NPAS2: variants seen among roughly 807,000 people sequenced by gnomAD.
The protein encoded by NPAS2 is neuronal PAS domain-containing protein 2.
Under a neutral mutation model 107.5 loss-of-function variants are expected in NPAS2, and 23 were observed. The ratio of observed to expected loss-of-function variants is 0.21; its 90% CI spans 0.15 to 0.30. The LOEUF (loss-of-function observed/expected upper bound fraction) is 0.30, where lower values mean the gene tolerates loss of function less well. Among genes scored for constraint, NPAS2 ranks in the 10% least tolerant of loss-of-function variants. The pLI is 1.00. For synonymous variants in NPAS2, 403 were observed against 417.5 expected (o/e 0.97, Z 0.42); for missense variants, 756 against 1,043.3 (o/e 0.72, Z 3.79).
At chr2:100,869,897 CTT>C (rs1366092952) in intron 1 of NPAS2, among the ~76,000 whole-genome samples, 2 of 136,200 alleles carry the variant, frequency 1.5e-5, no homozygotes, top group Non-Finnish European at 3.1e-5. Flanking sequence ...AGACTCCTGA[CTT>C]CTTTTTTTTT....
At chr2:100,961,124 A>G (rs145664910) in intron 7 of NPAS2, among the ~76,000 whole-genome samples, 17 of 152,248 alleles carry the variant, frequency 1.1e-4, no homozygotes, top group Non-Finnish European at 2.1e-4. Context: ...GTAATTAGAT[A>G]TATTCTTTCT....
intron 1 of NPAS2, among the ~76,000 whole-genome samples, chr2:100,849,246 C>A (rs1461797470): frequency 6.6e-6 from 1 of 152,206 alleles, no homozygotes; most frequent in Non-Finnish European, 1.5e-5. Context: ...TGCTTTGGTT[C>A]TGTTTAGCTG....
chr2:100,864,381 C>T (rs1319136446), intron 1 of NPAS2, among the ~76,000 whole-genome samples: 2 of 152,174 alleles, frequency 1.3e-5, no homozygotes, highest in Non-Finnish European at 2.9e-5. Context: ...TCTTCCAAAA[C>T]TGTGTGATAT....
intron 1 of NPAS2, among the ~76,000 whole-genome samples, chr2:100,895,517 G>A (rs1048562224): frequency 6.6e-6 from 1 of 152,150 alleles, no homozygotes; most frequent in African/African-American, 2.4e-5. Flanking sequence ...GTGGATGCTG[G>A]ACCCAGGAAC....
intron 1 of NPAS2, among the ~76,000 whole-genome samples, chr2:100,861,002 T>C (rs1678907187): frequency 6.6e-6 from 1 of 151,932 alleles, no homozygotes; most frequent in African/African-American, 2.4e-5. Flanking sequence ...TCACCTCAGA[T>C]TCCCTACAGG....
chr2:100,993,608 T>C (rs1331914504), intron 20 of NPAS2, 81 bp downstream of exon 20: 1 of 1,126,220 alleles, frequency 8.9e-7, no homozygotes, highest in Non-Finnish European at 1.2e-6. Flanking sequence ...AGAGATATTT[T>C]ATTCCCTTGC....
At chr2:100,864,402 G>C (rs766239056) in intron 1 of NPAS2, among the ~76,000 whole-genome samples, 2 of 152,044 alleles carry the variant, frequency 1.3e-5, no homozygotes, top group Admixed American at 1.3e-4. Flanking sequence ...AATAATATTC[G>C]GATATAAATA....
chr2:100,964,149 T>C lies in NPAS2; in HGVS notation c.690T>C (p.Val230=). ...AGGAGGTTTGCTTCATTGCCACCGT[T>C]CGTCTGGCAACACCACAATTCTTAA... The part of the protein sequence containing the change: ...LGKEVCFIAT[V]RLATPQFLKE... The change falls in exon 8 of 21, where the codon GTT becomes GTC. Residue 230 remains valine (V), a synonymous_variant. Transcript: ENST00000335681. 2 of 1,613,254 alleles carry C rather than the reference T, an allele frequency of 1.2e-6. No individual in the cohort carries two copies. Among genetic ancestry groups the C allele is most frequent in the East Asian group, 2.2e-5 (1 of 44,876 alleles).
intron 17 of NPAS2, 51 bp from the exon 18 acceptor site, chr2:100,990,205 G>A (rs1573811922): frequency 6.4e-7 from 1 of 1,560,572 alleles, no homozygotes; most frequent in Middle Eastern, 1.8e-4. Flanking sequence ...CTGGAGAGAT[G>A]GCCCAGGGTT....
chr2:100,988,323 AC>A, intron 17 of NPAS2, 47 bp downstream of exon 17: 1 of 1,529,276 alleles, frequency 6.5e-7, no homozygotes, highest in East Asian at 2.3e-5. Context: ...TAGAGCAGAC[AC>A]CCTCTTGCAG....
chr2:100,826,938 G>A (rs974235827), intron 1 of NPAS2, among the ~76,000 whole-genome samples: 2 of 152,166 alleles, frequency 1.3e-5, no homozygotes, highest in African/African-American at 2.4e-5. Context: ...TTGTTTTGAC[G>A]TGAACATAAG....
intron 20 of NPAS2, chr2:100,993,805 A>G (rs1275645873): frequency 1.1e-5 from 4 of 362,734 alleles, no homozygotes; most frequent in Non-Finnish European, 2.0e-5. Context: ...CTACTCAAGG[A>G]TTTGCATCTT....
intron 1 of NPAS2, among the ~76,000 whole-genome samples, chr2:100,832,940 T>A (rs1368177531): frequency 6.6e-6 from 1 of 152,218 alleles, no homozygotes; most frequent in Non-Finnish European, 1.5e-5. Flanking sequence ...GCCCATTTTG[T>A]ACTTCTTTGG....
At chr2:100,987,706 T>C (rs1573805575) in intron 16 of NPAS2, 2 of 250,284 alleles carry the variant, frequency 8.0e-6, no homozygotes, top group East Asian at 2.0e-4. Flanking sequence ...GACTGCATCA[T>C]GCATTCCACT....
intron 1 of NPAS2, among the ~76,000 whole-genome samples, chr2:100,871,936 G>A (rs1031345490): frequency 2.6e-5 from 4 of 152,046 alleles, no homozygotes; most frequent in Non-Finnish European, 4.4e-5. Context: ...ACCCTTTGGG[G>A]GAAGGCAGAT....
At chr2:100,989,476 AAG>A (rs1451919412) in intron 17 of NPAS2, 1 of 152,232 alleles carries the variant, frequency 6.6e-6, no homozygotes, top group Non-Finnish European at 1.5e-5. Flanking sequence ...AATTTTGGAA[AAG>A]AGAAAACTGA....
intron 15 of NPAS2, among the ~76,000 whole-genome samples, chr2:100,980,803 A>T (rs1677388482): frequency 6.6e-6 from 1 of 152,172 alleles, no homozygotes; most frequent in South Asian, 2.1e-4. Flanking sequence ...ATGGGTAGCA[A>T]CAGAACCTTC....
intron 2 of NPAS2, among the ~76,000 whole-genome samples, chr2:100,910,545 C>T (rs1350816635): frequency 2.8e-5 from 4 of 140,480 alleles, no homozygotes; most frequent in Non-Finnish European, 6.1e-5. Context: ...TTTTTTAAGA[C>T]AGAGACTCTG....
At chr2:100,856,986 AG>A (rs1174292896) in intron 1 of NPAS2, among the ~76,000 whole-genome samples, 1 of 152,196 alleles carries the variant, frequency 6.6e-6, no homozygotes, top group Non-Finnish European at 1.5e-5. Flanking sequence ...TGGATAGGAC[AG>A]GCTGTCCAAG....
Sources: allele counts gnomAD v4.1 joint callset (sites outside exome capture counted in the v4.1 genomes callset), GRCh38; gene constraint gnomAD v4.1.1; transcripts MANE v1.5; gene names NCBI Gene and HGNC (gene_info 2026-07-23, HGNC 2026-07-21).